CELSR1: variants seen among roughly 807,000 people sequenced by gnomAD.
CELSR1 encodes adhesion G protein-coupled receptor C1.
Under a neutral mutation model 249.1 loss-of-function variants are expected in CELSR1, and 110 were observed. The ratio of observed to expected loss-of-function variants is 0.44; its 90% CI spans 0.38 to 0.52. The LOEUF (loss-of-function observed/expected upper bound fraction) is 0.52, where lower values mean the gene tolerates loss of function less well. CELSR1 is among the 20% of genes least tolerant of loss of function. The pLI is 0.00. For synonymous variants in CELSR1, 2,113 were observed against 1,900.0 expected (o/e 1.11, Z -2.92); for missense variants, 4,109 against 4,296.4 (o/e 0.96, Z 1.22).
rs1011208009 is a variant in CELSR1 at position 46,512,264 on chromosome 22, A to G, written c.3544+21363T>C. ...AGAAGCACTCAGGGACTGAGGTGTC[A>G]GCCCCCAAATCAAGGTCCAATACTG... is the stretch of plus-strand genomic sequence containing the variant. On this transcript the variant is annotated intron_variant, in intron 1 of 34. Coordinates refer to ENST00000674500, the MANE Select transcript of CELSR1 (RefSeq NM_001378328.1). This position sits in a 1 kb window ranked among gnomAD's most constrained non-coding sequence, Gnocchi z 5.2. Among the ~76,000 whole-genome samples the G allele has an allele frequency of 6.7e-6, 1 of 150,056 alleles. No homozygotes were observed. Among genetic ancestry groups the G allele is most frequent in the African/African-American group, 2.5e-5 (1 of 39,434 alleles).
rs199506726 is a variant in CELSR1, at chr22:46,464,160, C to T, written c.3730G>A (p.Val1244Ile). 5.8e-5 allele frequency: 94 copies of T among 1,613,760 alleles called. No homozygotes were observed. The highest frequency in any genetic ancestry group is 7.4e-5 in the Non-Finnish European group (87 of 1,180,032). ...VLSTTKDDVF[V>I]FNVQNDTDVS... ...TCGGTGTCGTTCTGGACGTTGAAGA[C>T]GAAGACGTCGTCCTTGGTGGTGGAC... is the stretch of plus-strand genomic sequence containing the variant. The change falls in exon 2 of 35, where the codon GTC (valine) becomes ATC (isoleucine). Residue 1244 changes from valine (V) to isoleucine (I), a missense_variant. Transcript: ENST00000674500. This position sits in a 1 kb window ranked among gnomAD's most constrained non-coding sequence, Gnocchi z 8.5.
In CELSR1 at chr22:46,430,127, G is replaced by A. The variant is rs913109573; in HGVS notation, c.4611+3266C>T. On this transcript the variant is annotated intron_variant, in intron 5 of 34. Coordinates refer to ENST00000674500, the MANE Select transcript of CELSR1 (RefSeq NM_001378328.1). The surrounding 1 kb of genome is among the most constrained non-coding windows in gnomAD (Gnocchi z 4.6). ...GGCAACACCCGGGAGATCATGCTCA[G>A]ATCTAAAATGCAGGTGGCCCACACC... Among the ~76,000 whole-genome samples, 6 of 152,180 alleles carry A rather than the reference G, an allele frequency of 3.9e-5. No individual in the cohort carries two copies. The highest frequency in any genetic ancestry group is 1.4e-4 in the African/African-American group (6 of 41,442).
rs1354103146 is a variant in CELSR1 at position 46,537,509 on chromosome 22, G to T, written c.-339C>A. ...CCGGCGCGGGCTCGGCCGGACGGGC[G>T]TGGGAAGCGGGGCGGGCCCGGCGCG... On this transcript the variant is annotated 5_prime_UTR_variant, in exon 1 of 35. Transcript: ENST00000674500. The surrounding 1 kb of genome is among the most constrained non-coding windows in gnomAD (Gnocchi z 5.8). 6.7e-6 allele frequency among the ~76,000 whole-genome samples: 1 copy of T among 148,690 alleles called. No individual in the cohort carries two copies. Among genetic ancestry groups the T allele is most frequent in the African/African-American group, 2.4e-5 (1 of 40,978 alleles).
rs1459015535 is a variant in CELSR1 at position 46,408,313 on chromosome 22, G to A, written c.5226+683C>T. ...TCAAGCTCCCAGAGAAAGTGGACGT[G>A]CATTGGTGCCAACCACCACCTGGCT... On this transcript the variant is annotated intron_variant, in intron 9 of 34. Transcript: ENST00000674500. The surrounding 1 kb of genome is among the most constrained non-coding windows in gnomAD (Gnocchi z 4.6). Among the ~76,000 whole-genome samples, 2 of 152,182 alleles carry A rather than the reference G, an allele frequency of 1.3e-5. No individual in the cohort carries two copies. The highest frequency in any genetic ancestry group is 2.4e-5 in the African/African-American group (1 of 41,462).
chr22:46,449,852 G>A (rs927374909), intron 2 of CELSR1, among the ~76,000 whole-genome samples: 4 of 152,092 alleles, frequency 2.6e-5, no homozygotes, highest in Non-Finnish European at 4.4e-5. Flanking sequence ...AAGGCTCCTC[G>A]CCAAGCCCTT....
intron 2 of CELSR1, among the ~76,000 whole-genome samples, chr22:46,456,486 C>T (rs916829331): frequency 3.3e-5 from 5 of 151,728 alleles, no homozygotes; most frequent in Admixed American, 6.6e-5. Context: ...GGTGACACCC[C>T]GTCTCTACTA....
rs192809826 is a variant in CELSR1 at position 46,390,970 on chromosome 22, G to C, written c.6250+216C>G. 1.3e-5 allele frequency among the ~76,000 whole-genome samples: 2 copies of C among 152,350 alleles called. No homozygotes were observed. Among genetic ancestry groups the C allele is most frequent in the Middle Eastern group, 3.4e-3 (1 of 294 alleles). On this transcript the variant is annotated intron_variant, in intron 16 of 34. Transcript: ENST00000674500. The surrounding 1 kb of genome is among the most constrained non-coding windows in gnomAD (Gnocchi z 6.3). Reference sequence around the variant, plus strand: ...GGGACTGGCCGGGCCTGACTGGCGGGCGTCCCCACACGCGCTGCACTGTTC... The same window carrying C: ...GGGACTGGCCGGGCCTGACTGGCGGCCGTCCCCACACGCGCTGCACTGTTC...
chr22:46,386,954 C>T (rs1163077050), intron 18 of CELSR1, among the ~76,000 whole-genome samples: 1 of 152,144 alleles, frequency 6.6e-6, no homozygotes, highest in Non-Finnish European at 1.5e-5. Context: ...GACGGGGCTT[C>T]ACCATGTTGG....
At position 46,364,711 on chromosome 22, in the gene CELSR1, CG is replaced by C. The variant is rs1183022627; in HGVS notation, c.8579del (p.Pro2860ArgfsTer23). ...CCAGGCTCTGGTCGGGCCAGCCGGC[CG>C]GAACGTGGTTGGCCACAGCGTCCCC... ...PKGDAVANHV[P>X]AGWPDQSLAE... On this transcript the variant is annotated frameshift_variant, in exon 33 of 35. Coordinates refer to ENST00000674500, the MANE Select transcript of CELSR1 (RefSeq NM_001378328.1). LOFTEE classifies it high-confidence loss of function. The C allele has an allele frequency of 6.2e-7, 1 of 1,612,274 alleles. No individual in the cohort carries two copies. Among genetic ancestry groups the C allele is most frequent in the Non-Finnish European group, 8.5e-7 (1 of 1,179,832 alleles).
Position 46,384,535 on chromosome 22 carries a change from G to T in CELSR1, c.6883+8C>A, listed in dbSNP as rs191917734. The stretch of plus-strand genomic sequence containing the variant: ...CGAGGGCAGCAGCAGGTTTCTAAGC[G>T]GTTTTACCTTTTTCTTCAGGTGGTC... On this transcript the variant is annotated splice_region_variant and intron_variant, in intron 20 of 34. Transcript: ENST00000674500. 2 of 1,594,878 alleles carry T rather than the reference G, an allele frequency of 1.3e-6. No individual in the cohort carries two copies. The highest frequency in any genetic ancestry group is 1.8e-5 in the Admixed American group (1 of 56,070).
intron 1 of CELSR1, among the ~76,000 whole-genome samples, chr22:46,531,121 A>G (rs1363861194): frequency 6.6e-6 from 1 of 152,216 alleles, no homozygotes; most frequent in African/African-American, 2.4e-5. Context: ...TCTTATAGTC[A>G]ATAGTGATTT....
rs536088681 is a variant in CELSR1 at position 46,427,902 on chromosome 22, G to C, written c.4611+5491C>G. 6.6e-6 allele frequency among the ~76,000 whole-genome samples: 1 copy of C among 152,122 alleles called. No homozygotes were observed. Among genetic ancestry groups the C allele is most frequent in the Non-Finnish European group, 1.5e-5 (1 of 68,022 alleles). ...CCCAAGTGTCTGGGTGGAAGTCCTC[G>C]AGTTTTTAGAACATGTGCAGAAACG... On this transcript the variant is annotated intron_variant, in intron 5 of 34. Transcript: ENST00000674500. This position sits in a 1 kb window ranked among gnomAD's most constrained non-coding sequence, Gnocchi z 4.2.
At chr22:46,510,622 A>T (rs1167469757) in intron 1 of CELSR1, among the ~76,000 whole-genome samples, 1 of 152,230 alleles carries the variant, frequency 6.6e-6, no homozygotes, top group East Asian at 1.9e-4. Context: ...GTCAGAGCGC[A>T]GCGGAAGGAA....
At chr22:46,477,997 C>T (rs2080227408) in intron 1 of CELSR1, among the ~76,000 whole-genome samples, 1 of 152,188 alleles carries the variant, frequency 6.6e-6, no homozygotes, top group Non-Finnish European at 1.5e-5. Context: ...CCACCCCAGG[C>T]TATGATGACC....
intron 1 of CELSR1, among the ~76,000 whole-genome samples, chr22:46,520,923 T>C (rs1287103935): frequency 1.3e-5 from 2 of 152,140 alleles, no homozygotes; most frequent in East Asian, 1.9e-4. Context: ...ACCATTCTAC[T>C]TCCTGTCTCT....
chr22:46,422,771 A>AAAAAAAAT (rs2079492097), intron 5 of CELSR1, among the ~76,000 whole-genome samples: 1 of 151,436 alleles, frequency 6.6e-6, no homozygotes, highest in Non-Finnish European at 1.5e-5. Flanking sequence ...CATCTCAAAA[A>AAAAAAAAT]AAAAAAAAAT....
At chr22:46,533,540 G>T in intron 1 of CELSR1, 87 bp downstream of exon 1, 1 of 1,488,518 alleles carries the variant, frequency 6.7e-7, no homozygotes, top group Non-Finnish European at 8.9e-7. Flanking sequence ...TTGCGCCCCG[G>T]CATGCCAGGC....
chr22:46,376,918 C>T (rs974778646), intron 24 of CELSR1, 143 bp downstream of exon 24: 18 of 811,382 alleles, frequency 2.2e-5, no homozygotes, highest in African/African-American at 3.4e-5. Context: ...TGACCAGGCA[C>T]GTTCCTGAAA....
rs542641330 is a variant in CELSR1 at position 46,458,979 on chromosome 22, G to A, written c.4183+4728C>T. The stretch of plus-strand genomic sequence containing the variant: ...ATGATCTCGGGTCACTGCAACTTCC[G>A]CCTCCTGGGTTCAAGCGATTCTCCT... On this transcript the variant is annotated intron_variant, in intron 2 of 34. Coordinates refer to ENST00000674500, the MANE Select transcript of CELSR1 (RefSeq NM_001378328.1). Among the ~76,000 whole-genome samples, 11 of 152,124 alleles carry A rather than the reference G, an allele frequency of 7.2e-5. No individual in the cohort carries two copies. The South Asian group carries it at 1.2e-3, about 17-fold the overall frequency.
Sources: allele counts gnomAD v4.1 joint callset (sites outside exome capture counted in the v4.1 genomes callset), GRCh38; gene constraint gnomAD v4.1.1; non-coding constraint Gnocchi (gnomAD v3.1); transcripts MANE v1.5; gene names NCBI Gene and HGNC (gene_info 2026-07-23, HGNC 2026-07-21).